Variants in CAPRIN2 observed in about 807,000 individuals in gnomAD.
CAPRIN2 encodes the protein caprin family member 2, also known as caprin-2.
In CAPRIN2, 66 loss-of-function variants were observed where a neutral mutation model predicts 130.4. The ratio of observed to expected loss-of-function variants is 0.51; its 90% CI spans 0.42 to 0.62. The LOEUF (loss-of-function observed/expected upper bound fraction) is 0.62. Among genes scored for constraint, CAPRIN2 ranks in the 20% least tolerant of loss-of-function variants. The pLI, the probability that CAPRIN2 is intolerant of heterozygous loss-of-function variation, is 0.00. For missense variants in CAPRIN2, 1,185 were observed against 1,246.6 expected (o/e 0.95, Z 0.74); for synonymous variants, 471 against 444.1 (o/e 1.06, Z -0.76).
At chr12:30,753,359 G>A in exon 1 of CAPRIN2, 1 of 1,603,924 alleles carries the variant, frequency 6.2e-7, no homozygotes, top group Non-Finnish European at 8.5e-7. Context: ...TTTTCTCGAT[G>A]TTTCTAATTT....
intron 2 of CAPRIN2, among the ~76,000 whole-genome samples, chr12:30,743,491 T>TTCAACAATCAA (rs1396438577): frequency 6.6e-6 from 1 of 152,190 alleles, no homozygotes; most frequent in East Asian, 1.9e-4. Flanking sequence ...TTTGGTTGAC[T>TTCAACAATCAA]TAGCAGCAGC....
At chr12:30,712,962 G>A (rs758533832) in intron 15 of CAPRIN2, among the ~76,000 whole-genome samples, 4 of 151,900 alleles carry the variant, frequency 2.6e-5, no homozygotes, top group Admixed American at 6.6e-5. Context: ...GGCTGGTCTC[G>A]AACTCCTGAC....
intron 13 of CAPRIN2, chr12:30,716,293 T>C (rs1315137820): frequency 2.1e-6 from 1 of 467,784 alleles, no homozygotes; most frequent in Admixed American, 4.2e-5. Flanking sequence ...AAATCCGTCA[T>C]CTAAGTTCTA....
At chr12:30,731,374 T>C (rs141759480) in exon 6 of CAPRIN2, 19 of 1,612,804 alleles carry the variant, frequency 1.2e-5, no homozygotes, top group Admixed American at 3.3e-5. Context: ...TCTTCGATAA[T>C]TGTGTTTTTT....
intron 11 of CAPRIN2, among the ~76,000 whole-genome samples, chr12:30,722,643 G>A (rs1443429130): frequency 2.0e-5 from 3 of 152,210 alleles, no homozygotes; most frequent in Non-Finnish European, 4.4e-5. Context: ...GCTCACACCT[G>A]TAATCCCAGC....
chr12:30,749,853 A>G (rs1190424901), intron 2 of CAPRIN2, among the ~76,000 whole-genome samples: 1 of 152,238 alleles, frequency 6.6e-6, no homozygotes, highest in East Asian at 1.9e-4. Flanking sequence ...GGCTATAAAG[A>G]CAGTAATGAA....
Position 30,710,863 on chromosome 12 carries a change from C to T in CAPRIN2, c.2666-393G>A, listed in dbSNP as rs958434980. Among the ~76,000 whole-genome samples, 3 of 152,150 alleles carry T rather than the reference C, an allele frequency of 2.0e-5. No homozygotes were observed. Among genetic ancestry groups the T allele is most frequent in the African/African-American group, 7.2e-5 (3 of 41,432 alleles). On this transcript the variant is annotated intron_variant, in intron 16 of 16. Coordinates refer to ENST00000298892, the Ensembl canonical transcript of CAPRIN2. This position sits in a 1 kb window ranked among gnomAD's most constrained non-coding sequence, Gnocchi z 4.8. ...GAAGGTCTCAAGAAAATGGAGACTA[C>T]ATAAAAGAACCAATTTTTAGAACTA...
chr12:30,752,690 G>C (rs1409473279), intron 1 of CAPRIN2, among the ~76,000 whole-genome samples: 1 of 152,026 alleles, frequency 6.6e-6, no homozygotes, highest in Admixed American at 6.5e-5. Flanking sequence ...CAACACATAG[G>C]TCCAGATAGT....
rs115257487 is a variant in CAPRIN2 at position 30,747,767 on chromosome 12, G to C, written c.483+3304C>G. 4.3e-3 allele frequency among the ~76,000 whole-genome samples: 651 copies of C among 152,148 alleles called. 3 individuals are homozygous for C. The highest frequency in any genetic ancestry group is 0.014 in the African/African-American group (601 of 41,518). On this transcript the variant is annotated intron_variant, in intron 2 of 16. Coordinates refer to ENST00000298892, the Ensembl canonical transcript of CAPRIN2. Reference sequence around the variant, plus strand: ...CTAATAGATCCGGGCAAAGTAAATTGAAAAGTTTCTGGAAAATATTCCCTA... The same window carrying C: ...CTAATAGATCCGGGCAAAGTAAATTCAAAAGTTTCTGGAAAATATTCCCTA...
chr12:30,739,509 G>T (rs1278365772), intron 3 of CAPRIN2, among the ~76,000 whole-genome samples: 1 of 152,126 alleles, frequency 6.6e-6, no homozygotes, highest in East Asian at 1.9e-4. Context: ...CATGACATGA[G>T]TTTAACTTTA....
intron 2 of CAPRIN2, among the ~76,000 whole-genome samples, chr12:30,746,606 TAAG>T (rs1306764719): frequency 6.6e-6 from 1 of 152,164 alleles, no homozygotes; most frequent in Non-Finnish European, 1.5e-5. Flanking sequence ...ACATGAATAA[TAAG>T]AAAACAAATG....
intron 3 of CAPRIN2, among the ~76,000 whole-genome samples, chr12:30,740,256 G>A (rs145594233): frequency 8.3e-4 from 126 of 151,804 alleles, no homozygotes; most frequent in African/African-American, 2.9e-3. Context: ...GTGAGAGAGC[G>A]AGACCTTGTC....
At chr12:30,750,241 G>C (rs1335662573) in intron 2 of CAPRIN2, among the ~76,000 whole-genome samples, 2 of 152,086 alleles carry the variant, frequency 1.3e-5, no homozygotes, top group Non-Finnish European at 2.9e-5. Context: ...AGTCACTATG[G>C]AATGGGAAAA....
At position 30,720,822 on chromosome 12, in the gene CAPRIN2, C is replaced by CT; in HGVS notation, c.2136dup (p.Glu713ArgfsTer4). 5 of 1,604,002 alleles carry CT rather than the reference C, an allele frequency of 3.1e-6. No homozygotes were observed. The highest frequency in any genetic ancestry group is 4.3e-6 in the Non-Finnish European group (5 of 1,170,920). On this transcript the variant is annotated frameshift_variant, in exon 12 of 17. Coordinates refer to ENST00000298892, the Ensembl canonical transcript of CAPRIN2. LOFTEE classifies it high-confidence loss of function. ...AATTGGTCTTTTACCTCAGGAGTCT[C>CT]TGAGGTCATAAACTCTGTTTCAGAT... is the stretch of plus-strand genomic sequence containing the variant.
chr12:30,749,129 T>C (rs1177008394), intron 2 of CAPRIN2, among the ~76,000 whole-genome samples: 2 of 151,962 alleles, frequency 1.3e-5, no homozygotes, highest in South Asian at 4.1e-4. Flanking sequence ...AGAAAGAACA[T>C]CCCAAGCAGT....
intron 15 of CAPRIN2, among the ~76,000 whole-genome samples, chr12:30,713,277 C>A (rs1167960296): frequency 6.6e-6 from 1 of 152,056 alleles, no homozygotes; most frequent in East Asian, 1.9e-4. Flanking sequence ...GAGTCTTTTA[C>A]CATATGTAGT....
intron 9 of CAPRIN2, 141 bp downstream of exon 10, chr12:30,725,825 G>T: frequency 1.9e-6 from 1 of 537,782 alleles, no homozygotes; most frequent in Non-Finnish European, 2.9e-6. Context: ...CAAGTAATTT[G>T]CCTAAACTCC....
rs1202787820 is a variant in CAPRIN2, at chr12:30,719,301, G to T, written c.2148+1510C>A. 4.6e-6 allele frequency: 7 copies of T among 1,534,046 alleles called. No individual in the cohort carries two copies. The East Asian group carries it at 1.6e-4, about 35-fold the overall frequency. On this transcript the variant is annotated intron_variant, in intron 12 of 16. Coordinates refer to ENST00000298892, the Ensembl canonical transcript of CAPRIN2. ...GTTAACTTACTCTAAAACCCAAACT[G>T]GCATAAGTCAGCAAGTTCTTTAGGA... is the stretch of plus-strand genomic sequence containing the variant.
chr12:30,748,029 T>G (rs1565705206), intron 2 of CAPRIN2, among the ~76,000 whole-genome samples: 1 of 152,256 alleles, frequency 6.6e-6, no homozygotes, highest in Non-Finnish European at 1.5e-5. Context: ...GATGAGGAGT[T>G]GCTTCTTATG....
Sources: gnomAD v4.1 joint callset for allele counts (sites outside exome capture counted in the v4.1 genomes callset) on GRCh38, gnomAD v4.1.1 for gene constraint, Gnocchi (gnomAD v3.1) non-coding constraint, MANE v1.5 for transcripts, NCBI Gene and HGNC (gene_info 2026-07-23, HGNC 2026-07-21) for gene names.